Variants in TENM3 observed in about 807,000 individuals in gnomAD.
The protein encoded by TENM3 is teneurin-3.
Under a neutral mutation model 255.1 loss-of-function variants are expected in TENM3, and 63 were observed. The ratio of observed to expected loss-of-function variants is 0.25; its 90% CI spans 0.20 to 0.30. The LOEUF is 0.30. Among genes scored for constraint, TENM3 ranks in the 10% least tolerant of loss-of-function variants. The pLI is 1.00. For synonymous variants in TENM3, 1,306 were observed against 1,322.3 expected, an observed-to-expected ratio of 0.99 and a Z score of 0.27; for missense variants, 2,929 against 3,461.1, an observed-to-expected ratio of 0.85 and a Z score of 3.86.
rs1200967374 is a variant in TENM3, at chr4:182,754,412, G to A, written c.4045G>A (p.Ala1349Thr). The change falls in exon 22 of 28, where the codon GCC (alanine) becomes ACC (threonine). Residue 1349 changes from alanine to threonine, a missense_variant. Physicochemically the swap from Ala to Thr is moderately conservative, Grantham distance 58. Coordinates refer to ENST00000511685, the MANE Select transcript of TENM3 (RefSeq NM_001080477.4). The surrounding 1 kb of genome is among the most constrained non-coding windows in gnomAD (Gnocchi z 5.1). ...ACGTCTGGAATGGCCCACTGACCTA[G>A]CCATTAACCCTATGGATAACTCCAT... ...QVRLEWPTDL[A>T]INPMDNSIYV... The A allele has an allele frequency of 6.2e-7, 1 of 1,607,398 alleles. No homozygotes were observed. The highest frequency in any genetic ancestry group is 1.1e-5 in the South Asian group (1 of 89,760).
At chr4:182,703,223 C>T (rs1021410575) in intron 12 of TENM3, among the ~76,000 whole-genome samples, 3 of 152,114 alleles carry the variant, frequency 2.0e-5, no homozygotes, top group Admixed American at 6.5e-5. Context: ...ACAATAATGC[C>T]GGTGATGTCT....
chr4:181,487,813 T>C, the TENM3 span, among the ~76,000 whole-genome samples: 1 of 152,062 alleles, frequency 6.6e-6, no homozygotes, highest in Non-Finnish European at 1.5e-5. Context: ...TATATGCCCC[T>C]GCAGGGTGTG....
chr4:181,697,307 G>A, the TENM3 span, among the ~76,000 whole-genome samples: 2 of 152,150 alleles, frequency 1.3e-5, no homozygotes, highest in African/African-American at 4.8e-5. Flanking sequence ...CAGGTGGAGG[G>A]GCTTTTCCTT....
At chr4:181,985,474 G>C in the TENM3 span, among the ~76,000 whole-genome samples, 1 of 152,188 alleles carries the variant, frequency 6.6e-6, no homozygotes, top group Non-Finnish European at 1.5e-5. Context: ...TTGGTTTTGT[G>C]AATGAGGGGA....
chr4:182,134,072 T>A, the TENM3 span, among the ~76,000 whole-genome samples: 1 of 151,264 alleles, frequency 6.6e-6, no homozygotes, highest in Non-Finnish European at 1.5e-5. Context: ...AAATCATTGG[T>A]CCAGGGTTAC....
chr4:182,743,711 G>A (rs572609644), intron 19 of TENM3, among the ~76,000 whole-genome samples: 12 of 151,958 alleles, frequency 7.9e-5, no homozygotes, highest in Admixed American at 2.6e-4. Flanking sequence ...AATCTCTTTC[G>A]CTTTCTTTAG....
chr4:182,065,717 A>G, the TENM3 span, among the ~76,000 whole-genome samples: 1 of 152,296 alleles, frequency 6.6e-6, no homozygotes, highest in South Asian at 2.1e-4. Context: ...GTTTCCTTCC[A>G]TGGGTTTCTC....
the TENM3 span, among the ~76,000 whole-genome samples, chr4:182,090,078 A>G: frequency 1.3e-5 from 2 of 152,246 alleles, no homozygotes; most frequent in African/African-American, 4.8e-5. Context: ...AGTATCTGAA[A>G]TTATTTATTT....
chr4:181,942,354 G>GCAGCC, the TENM3 span, among the ~76,000 whole-genome samples: 1 of 142,860 alleles, frequency 7.0e-6, no homozygotes, highest in Non-Finnish European at 1.5e-5. Context: ...TAAGATTTGT[G>GCAGCC]CAGCCGGTGG....
intron 3 of TENM3, among the ~76,000 whole-genome samples, chr4:182,378,314 G>T (rs1457162587): frequency 4.6e-5 from 7 of 152,346 alleles, no homozygotes; most frequent in Middle Eastern, 3.4e-3. Flanking sequence ...CTGTCCTTAT[G>T]GGAGCTTACA....
the TENM3 span, among the ~76,000 whole-genome samples, chr4:182,093,528 G>A: frequency 6.6e-6 from 1 of 152,192 alleles, no homozygotes; most frequent in South Asian, 2.1e-4. Flanking sequence ...CACGTGTGCA[G>A]GAGGAGGCAG....
chr4:182,046,549 A>AAATAATAATAATAATAAT, the TENM3 span, among the ~76,000 whole-genome samples: 1 of 143,110 alleles, frequency 7.0e-6, no homozygotes, highest in African/African-American at 2.6e-5. Flanking sequence ...ACAAAAAACT[A>AAATAATAATAATAATAAT]AATAATAATA....
intron 3 of TENM3, among the ~76,000 whole-genome samples, chr4:182,560,732 G>A (rs1743078594): frequency 6.6e-6 from 1 of 152,130 alleles, no homozygotes; most frequent in Admixed American, 6.5e-5. Context: ...AGTTCTGATG[G>A]TGCCACAGGG....
chr4:181,453,046 T>A, the TENM3 span, among the ~76,000 whole-genome samples: 7 of 152,178 alleles, frequency 4.6e-5, no homozygotes, highest in Admixed American at 2.6e-4. Context: ...ACTATAAGTA[T>A]TTAGAGTGCT....
intron 3 of TENM3, among the ~76,000 whole-genome samples, chr4:182,467,471 G>T (rs1305157568): frequency 6.6e-6 from 1 of 152,136 alleles, no homozygotes; most frequent in East Asian, 1.9e-4. Flanking sequence ...TTATCTGTAA[G>T]AATGAAGGGA....
the TENM3 span, among the ~76,000 whole-genome samples, chr4:181,621,710 G>A: frequency 6.6e-6 from 1 of 152,130 alleles, no homozygotes; most frequent in South Asian, 2.1e-4. Context: ...TAAGTGGATG[G>A]ATATTAAAGA....
chr4:182,672,927 T>A (rs1467640224), intron 6 of TENM3, 78 bp from the exon 7 acceptor site: 12 of 1,094,588 alleles, frequency 1.1e-5, no homozygotes, highest in Non-Finnish European at 1.4e-5. Context: ...AATAACTTTT[T>A]CAAAAAGTTT....
chr4:181,961,574 C>T, the TENM3 span, among the ~76,000 whole-genome samples: 1 of 152,040 alleles, frequency 6.6e-6, no homozygotes, highest in Non-Finnish European at 1.5e-5. Flanking sequence ...CGCCCGCCAC[C>T]ACGTCCGGCT....
the TENM3 span, among the ~76,000 whole-genome samples, chr4:181,626,883 T>C: frequency 6.6e-6 from 1 of 152,176 alleles, no homozygotes; most frequent in Non-Finnish European, 1.5e-5. Context: ...AATAGATAAT[T>C]GGACCAGGGC....
Sources: allele counts gnomAD v4.1 joint callset (sites outside exome capture counted in the v4.1 genomes callset), GRCh38; gene constraint gnomAD v4.1.1; non-coding constraint Gnocchi (gnomAD v3.1); transcripts MANE v1.5; gene names NCBI Gene and HGNC (gene_info 2026-07-23, HGNC 2026-07-21).